Variants in TTC3 observed in about 807,000 individuals in gnomAD.
TTC3 encodes the protein E3 ubiquitin-protein ligase TTC3.
In TTC3, 180 loss-of-function variants were observed where a neutral mutation model predicts 249.6. The observed-to-expected ratio is 0.72, with a 90% confidence interval of 0.64 to 0.82. The LOEUF is 0.82. TTC3 is among the 40% of genes least tolerant of loss of function. The pLI, the probability that TTC3 is intolerant of heterozygous loss-of-function variation, is 0.00. For missense variants in TTC3, 2,061 were observed against 2,398.4 expected, an observed-to-expected ratio of 0.86 and a Z score of 2.94; for synonymous variants, 717 against 805.0, an observed-to-expected ratio of 0.89 and a Z score of 1.85.
intron 1 of TTC3, among the ~76,000 whole-genome samples, chr21:37,073,782 G>A (rs1009285312): frequency 2.0e-5 from 3 of 152,150 alleles, no homozygotes; most frequent in African/African-American, 7.2e-5. Flanking sequence ...GCTCCCTGGC[G>A]GCTGCGTGGG....
At chr21:37,141,479 T>G (rs1440503343) in intron 20 of TTC3, among the ~76,000 whole-genome samples, 1 of 151,004 alleles carries the variant, frequency 6.6e-6, no homozygotes, top group Non-Finnish European at 1.5e-5. Context: ...TTAAAGAAAG[T>G]TTTTTTTTGG....
intron 11 of TTC3, among the ~76,000 whole-genome samples, chr21:37,111,352 A>C (rs1053260759): frequency 6.6e-6 from 1 of 152,200 alleles, no homozygotes. Flanking sequence ...AAAGGGATGG[A>C]GGAAGATCTA....
At chr21:37,193,463 T>G (rs985219304) in intron 41 of TTC3, among the ~76,000 whole-genome samples, 2 of 152,244 alleles carry the variant, frequency 1.3e-5, no homozygotes, top group African/African-American at 4.8e-5. Context: ...AATGTGCAGT[T>G]TTAGTTAGAA....
intron 10 of TTC3, among the ~76,000 whole-genome samples, chr21:37,104,588 CAA>C (rs141618903): frequency 0.43 from 44,239 of 103,498 alleles, 7,510 homozygotes; most frequent in Non-Finnish European, 0.49. Context: ...AACTCCGTCT[CAA>C]AAAAAAAAAA....
rs567767131 is a variant in TTC3 at position 37,134,799 on chromosome 21, A to G, written c.1444-581A>G. Among the ~76,000 whole-genome samples the G allele has an allele frequency of 3.9e-5, 6 of 152,262 alleles. No homozygotes were observed. The East Asian group carries it at 5.8e-4, about 15-fold the overall frequency. On this transcript the variant is annotated intron_variant, in intron 17 of 45. Coordinates refer to ENST00000355666, the Ensembl canonical transcript of TTC3. ...GATAGCAATTTTGTTTTTATTTTTT[A>G]TTCCTTATGTTATTCCTTTTGCATT... is the stretch of plus-strand genomic sequence containing the variant.
rs1240074693 is a variant in TTC3, at chr21:37,077,230, G to C, written c.-12+3866G>C. On this transcript the variant is annotated intron_variant, in intron 1 of 45. Coordinates refer to ENST00000355666, the Ensembl canonical transcript of TTC3. Reference sequence around the variant, plus strand: ...GTGATGTTCTAGAAATTCACCCTTTGCAATTATTTAATCTTATGGTGATAT... The same window carrying C: ...GTGATGTTCTAGAAATTCACCCTTTCCAATTATTTAATCTTATGGTGATAT... Among the ~76,000 whole-genome samples, 3 of 151,756 alleles carry C rather than the reference G, an allele frequency of 2.0e-5. No homozygotes were observed. The East Asian group carries it at 5.8e-4, about 29-fold the overall frequency.
At chr21:37,121,701 C>T (rs1009936534) in intron 11 of TTC3, 116 bp from the exon 12 acceptor site, 63 of 949,120 alleles carry the variant, frequency 6.6e-5, no homozygotes, top group Non-Finnish European at 8.5e-5. Flanking sequence ...TTGGTAGGGA[C>T]CTAATCTAAT....
chr21:37,178,872 G>A (rs1467392539), intron 35 of TTC3, among the ~76,000 whole-genome samples: 1 of 151,906 alleles, frequency 6.6e-6, no homozygotes, highest in African/African-American at 2.4e-5. Flanking sequence ...AGCTGAGAGG[G>A]TCACTTGAGC....
chr21:37,189,996 C>T (rs2083829154), intron 39 of TTC3, among the ~76,000 whole-genome samples: 1 of 152,148 alleles, frequency 6.6e-6, no homozygotes. Flanking sequence ...GTTCTATACA[C>T]AGATTTTGTG....
chr21:37,096,549 G>T, intron 9 of TTC3, 32 bp from the exon 10 acceptor site: 1 of 1,524,626 alleles, frequency 6.6e-7, no homozygotes, highest in South Asian at 1.2e-5. Flanking sequence ...TGTGTAATGT[G>T]CTTTACTGAC....
At chr21:37,202,721 C>A (rs1306505626) in exon 46 of TTC3, 1 of 152,212 alleles carries the variant, frequency 6.6e-6, no homozygotes, top group Non-Finnish European at 1.5e-5. Flanking sequence ...CCATTTCTCT[C>A]CAACATGAAG....
rs556124734 is a variant in TTC3 at position 37,171,222 on chromosome 21, A to T, written c.4468-1373A>T. ...GGTAGGCTCTGTTGTTTAATGAGTC[A>T]GTGCTTTTGACCATCAAATGAATGT... is the stretch of plus-strand genomic sequence containing the variant. On this transcript the variant is annotated intron_variant, in intron 34 of 45. Transcript: ENST00000355666. Among the ~76,000 whole-genome samples, 3 of 152,340 alleles carry T rather than the reference A, an allele frequency of 2.0e-5. No individual in the cohort carries two copies. The Middle Eastern group carries it at 0.01, about 518-fold the overall frequency.
chr21:37,189,368 C>T (rs189696658), intron 39 of TTC3, among the ~76,000 whole-genome samples: 63 of 152,068 alleles, frequency 4.1e-4, no homozygotes, highest in Non-Finnish European at 6.0e-4. Flanking sequence ...GCCTCAGCCT[C>T]CCGAGTAGCT....
intron 10 of TTC3, among the ~76,000 whole-genome samples, chr21:37,104,513 G>A (rs1280819035): frequency 1.3e-5 from 2 of 150,470 alleles, no homozygotes; most frequent in Non-Finnish European, 3.0e-5. Flanking sequence ...TTGCTTGAAC[G>A]TGGGAGGCGG....
intron 11 of TTC3, among the ~76,000 whole-genome samples, chr21:37,115,803 G>T (rs2076094110): frequency 6.6e-6 from 1 of 152,076 alleles, no homozygotes; most frequent in African/African-American, 2.4e-5. Context: ...CTTTGTACTT[G>T]CCCTTCCCTC....
intron 21 of TTC3, among the ~76,000 whole-genome samples, chr21:37,146,347 G>A (rs1017551830): frequency 3.3e-5 from 5 of 152,026 alleles, no homozygotes; most frequent in Non-Finnish European, 5.9e-5. Flanking sequence ...TGGGCAACAT[G>A]GCGAAACCCA....
chr21:37,133,136 A>T (rs2077617086), intron 17 of TTC3, among the ~76,000 whole-genome samples: 1 of 152,228 alleles, frequency 6.6e-6, no homozygotes, highest in African/African-American at 2.4e-5. Flanking sequence ...CTTCTCAAAG[A>T]GTTAACAGTA....
chr21:37,186,588 G>A (rs916335447), intron 37 of TTC3, among the ~76,000 whole-genome samples: 2 of 152,090 alleles, frequency 1.3e-5, no homozygotes, highest in Admixed American at 6.6e-5. Context: ...CTACAGGCAC[G>A]CACCACCATT....
chr21:37,106,062 T>G, intron 10 of TTC3, among the ~76,000 whole-genome samples: 1 of 152,232 alleles, frequency 6.6e-6, no homozygotes, highest in South Asian at 2.1e-4. Context: ...TTCAGTTCTG[T>G]GCCCTCAACA....
Sources: allele counts gnomAD v4.1 joint callset (sites outside exome capture counted in the v4.1 genomes callset), GRCh38; gene constraint gnomAD v4.1.1; transcripts MANE v1.5; gene names NCBI Gene and HGNC (gene_info 2026-07-23, HGNC 2026-07-21).